The following CAPN2 variants were observed in gnomAD, a reference collection of about 807,000 sequenced individuals.
CAPN2 encodes calpain-2 catalytic subunit.
CAPN2 carries 92 observed loss-of-function variants against 102.3 expected under a neutral mutation model. The observed-to-expected ratio is 0.90, with a 90% confidence interval of 0.76 to 1.07. The LOEUF (loss-of-function observed/expected upper bound fraction) is 1.07, where lower values mean the gene tolerates loss of function less well. Ranked by LOEUF, CAPN2 falls within the 50% of genes least tolerant of loss-of-function variation. The probability of loss-of-function intolerance (pLI) is 0.00; values close to 1 mark genes in which losing one functional copy is unlikely to be tolerated. For missense variants in CAPN2, 800 were observed against 909.4 expected (o/e 0.88, Z 1.55); for synonymous variants, 340 against 355.4 (o/e 0.96, Z 0.49).
intron 20 of CAPN2, 24 bp from the exon 21 acceptor site, chr1:223,774,806 GCTGA>G (rs1558082112): frequency 9.3e-6 from 15 of 1,609,930 alleles, no homozygotes; most frequent in South Asian, 2.2e-5. Context: ...TGGTCACTGA[GCTGA>G]CTTTTTTTTT....
chr1:223,734,933 T>C (rs948724692), intron 2 of CAPN2, among the ~76,000 whole-genome samples: 2 of 152,216 alleles, frequency 1.3e-5, no homozygotes, highest in Non-Finnish European at 2.9e-5. Flanking sequence ...TTGAACTCCA[T>C]GGTCTGGCTC....
In CAPN2 at chr1:223,764,216, CCCCTCATTGCAAAACCTCATCCTGCT is replaced by C; in HGVS notation, c.1690+11_1690+36del. 2 of 1,611,490 alleles carry C rather than the reference CCCCTCATTGCAAAACCTCATCCTGCT, an allele frequency of 1.2e-6. No homozygotes were observed. Among genetic ancestry groups the C allele is most frequent in the Non-Finnish European group, 1.7e-6 (2 of 1,177,646 alleles). On this transcript the variant is annotated intron_variant, in intron 15 of 20. Transcript: ENST00000295006. ...AAGGGTTCTAGCAAAGCGTGAGTAT[CCCCTCATTGCAAAACCTCATCCTGCT>C]CTTTCCCCTGTGGATGGGAGGGAAC...
At chr1:223,743,964 G>A in intron 2 of CAPN2, 136 bp from the exon 3 acceptor site, 1 of 683,220 alleles carries the variant, frequency 1.5e-6, no homozygotes, top group Non-Finnish European at 2.7e-6. Context: ...CCCTCATATG[G>A]GGGACTGCCT....
Position 223,764,185 on chromosome 1 carries a change from C to A in CAPN2, c.1668C>A (p.Ile556=), listed in dbSNP as rs1419981927. 1 of 1,613,828 alleles carries A rather than the reference C, an allele frequency of 6.2e-7. No homozygotes were observed. The highest frequency in any genetic ancestry group is 2.2e-5 in the East Asian group (1 of 44,892). The change falls in exon 15 of 21, where the codon ATC becomes ATA. Residue 556 remains isoleucine, a synonymous_variant. Transcript: ENST00000295006. ...AEISAFELQT[I]LRRVLAKRQD... ...TCTCTGCCTTTGAGCTGCAGACCAT[C>A]CTGAGAAGGGTTCTAGCAAAGCGTG... is the stretch of plus-strand genomic sequence containing the variant.
intron 1 of CAPN2, among the ~76,000 whole-genome samples, chr1:223,716,531 G>A (rs562054052): frequency 6.6e-6 from 1 of 152,102 alleles, no homozygotes; most frequent in East Asian, 1.9e-4. Flanking sequence ...TGCGGCAGAT[G>A]GTGCTTCCGG....
At chr1:223,707,998 G>A (rs1196218792), upstream of CAPN2, among the ~76,000 whole-genome samples, 5 of 152,222 alleles carry the variant, frequency 3.3e-5, no homozygotes, top group African/African-American at 9.6e-5. Flanking sequence ...AGAAGAAGTC[G>A]GGGTGGGGCC....
intron 2 of CAPN2, among the ~76,000 whole-genome samples, chr1:223,734,419 G>A (rs908674088): frequency 6.6e-6 from 1 of 152,132 alleles, no homozygotes; most frequent in Non-Finnish European, 1.5e-5. Flanking sequence ...CCAGGTAGCT[G>A]GGACCACAGG....
chr1:223,749,659 G>C (rs905143252), intron 6 of CAPN2, among the ~76,000 whole-genome samples: 1 of 152,196 alleles, frequency 6.6e-6, no homozygotes, highest in African/African-American at 2.4e-5. Flanking sequence ...AGTGCTCAGA[G>C]GTGACTCACA....
chr1:223,762,831 C>T (rs907065008), intron 14 of CAPN2, among the ~76,000 whole-genome samples: 1 of 152,088 alleles, frequency 6.6e-6, no homozygotes, highest in East Asian at 1.9e-4. Flanking sequence ...TAGGTGCACA[C>T]CACCATGTCT....
upstream of CAPN2, among the ~76,000 whole-genome samples, chr1:223,712,031 G>A (rs992363159): frequency 1.3e-5 from 2 of 152,150 alleles, no homozygotes; most frequent in African/African-American, 4.8e-5. Flanking sequence ...GCCACATTGG[G>A]GACGTCATTT....
At chr1:223,714,621 T>TAAAAAAAAAAAAAAA (rs373544472) in intron 1 of CAPN2, among the ~76,000 whole-genome samples, 1 of 130,896 alleles carries the variant, frequency 7.6e-6, no homozygotes, top group Non-Finnish European at 1.6e-5. Flanking sequence ...TATAAAAAAG[T>TAAAAAAAAAAAAAAA]AAAAAAAAAA....
intron 6 of CAPN2, 67 bp downstream of exon 6, chr1:223,749,189 G>T: frequency 9.1e-6 from 13 of 1,425,076 alleles, no homozygotes; most frequent in Non-Finnish European, 1.3e-5. Context: ...CACAGTTTGT[G>T]GTGATGCCCA....
intron 6 of CAPN2, chr1:223,749,454 C>CCTG: frequency 7.9e-6 from 3 of 380,406 alleles, no homozygotes; most frequent in Non-Finnish European, 1.4e-5. Context: ...GTGTTTTATA[C>CCTG]TCTATAAGGT....
chr1:223,715,115 C>T (rs950107389), intron 1 of CAPN2, among the ~76,000 whole-genome samples: 1 of 152,186 alleles, frequency 6.6e-6, no homozygotes, highest in Non-Finnish European at 1.5e-5. Context: ...TCTCTGCCTC[C>T]TTCCTACCTT....
rs35138708 is a variant in CAPN2 at position 223,720,315 on chromosome 1, CT to C, written c.307+2503del. On this transcript the variant is annotated intron_variant, in intron 2 of 20. Coordinates refer to ENST00000295006, the MANE Select transcript of CAPN2 (RefSeq NM_001748.5). ...TCATCCTTATTTTCTCTCTTTCTCTCTTTTTTTTTTTTTTTTTTTGACAGGG... is the reference window on the plus strand; with the variant it reads ...TCATCCTTATTTTCTCTCTTTCTCTCTTTTTTTTTTTTTTTTTTGACAGGG... Among the ~76,000 whole-genome samples, 703 of 107,448 alleles carry C rather than the reference CT, an allele frequency of 6.5e-3. 17 individuals are homozygous for C. The East Asian group carries it at 0.13, about 19-fold the overall frequency. The allele number at this position is 107,448 out of a possible 152,430, so 70.5% of individuals were successfully genotyped here. A position where few individuals can be genotyped will look rare whatever the true frequency, so the allele number is the denominator to read the frequency against.
intron 18 of CAPN2, chr1:223,770,818 T>C (rs1296997039): frequency 4.1e-6 from 1 of 244,974 alleles, no homozygotes; most frequent in Non-Finnish European, 7.9e-6. Flanking sequence ...GCTTCCTTTC[T>C]GGTGCAGGGT....
Position 223,764,167 on chromosome 1 carries a change from C to T in CAPN2, c.1650C>T (p.Ala550=), listed in dbSNP as rs994966051. 16 of 1,614,002 alleles carry T rather than the reference C, an allele frequency of 9.9e-6. No individual in the cohort carries two copies. Among genetic ancestry groups the T allele is most frequent in the Non-Finnish European group, 1.3e-5 (15 of 1,179,890 alleles). Residue 550 remains alanine, a synonymous_variant, in exon 15 of 21, where the codon GCC becomes GCT. Transcript: ENST00000295006. ...GTCCACAGGATGCGGAGATCTCTGCCTTTGAGCTGCAGACCATCCTGAGAA... is the reference window on the plus strand; with the variant it reads ...GTCCACAGGATGCGGAGATCTCTGCTTTTGAGCTGCAGACCATCCTGAGAA... The part of the protein sequence containing the change: ...QLAGEDAEIS[A]FELQTILRRV...
At chr1:223,769,059 G>A (rs552112778) in intron 16 of CAPN2, among the ~76,000 whole-genome samples, 4 of 152,264 alleles carry the variant, frequency 2.6e-5, no homozygotes, top group South Asian at 2.1e-4. Context: ...AATGCTTAGT[G>A]AGAAGTGGTG....
intron 9 of CAPN2, among the ~76,000 whole-genome samples, chr1:223,753,624 A>G (rs532867463): frequency 2.0e-5 from 3 of 150,632 alleles, no homozygotes; most frequent in Non-Finnish European, 4.4e-5. Context: ...GTGAGGATCC[A>G]TAATCTGAAA....
Sources: allele counts gnomAD v4.1 joint callset (sites outside exome capture counted in the v4.1 genomes callset), GRCh38; gene constraint gnomAD v4.1.1; transcripts MANE v1.5; gene names NCBI Gene and HGNC (gene_info 2026-07-23, HGNC 2026-07-21).